Variants in CPS1 observed in about 807,000 individuals in gnomAD.
CPS1 encodes carbamoyl-phosphate synthase 1.
In CPS1, 109 loss-of-function variants were observed where a neutral mutation model predicts 174.6. The observed-to-expected ratio is 0.62, with a 90% CI of 0.53 to 0.73. The LOEUF (loss-of-function observed/expected upper bound fraction) is 0.73, where lower values mean the gene tolerates loss of function less well. CPS1 is among the 30% of genes least tolerant of loss of function. The pLI is 0.00. For synonymous variants in CPS1, 637 were observed against 632.0 expected (o/e 1.01, Z -0.12); for missense variants, 1,689 against 1,821.9 (o/e 0.93, Z 1.33).
At chr2:210,659,887 CAAGGTAGA>C (rs1354525918) in intron 31 of CPS1, among the ~76,000 whole-genome samples, 1 of 152,076 alleles carries the variant, frequency 6.6e-6, no homozygotes, top group African/African-American at 2.4e-5. Flanking sequence ...TAAAAGACTT[CAAGGTAGA>C]TTTTGTATTG....
At chr2:210,484,597 A>G (rs72932421) in intron 1 of CPS1, among the ~76,000 whole-genome samples, 31,135 of 152,114 alleles carry the variant, frequency 0.2, 3,724 homozygotes, top group Middle Eastern at 0.34. Flanking sequence ...AGATAGTATC[A>G]AGGGACTGTA....
At chr2:210,490,011 AAAAAGG>A (rs1318005372) in intron 1 of CPS1, among the ~76,000 whole-genome samples, 4 of 151,596 alleles carry the variant, frequency 2.6e-5, no homozygotes, top group East Asian at 1.9e-4. Context: ...AAAAAAAAAA[AAAAAGG>A]AAGGAAGGAA....
intron 34 of CPS1, chr2:210,674,630 A>T: frequency 2.1e-6 from 1 of 476,556 alleles, no homozygotes. Context: ...GAACTTACAA[A>T]GACCAAGTAG....
intron 6 of CPS1, among the ~76,000 whole-genome samples, chr2:210,584,013 A>G (rs1200170935): frequency 6.6e-6 from 1 of 152,118 alleles, no homozygotes; most frequent in Admixed American, 6.6e-5. Context: ...AAGGATTTCA[A>G]CTAGTTAGGT....
At chr2:210,639,115 T>G in intron 22 of CPS1, 35 bp from the exon 23 acceptor site, 1 of 1,548,322 alleles carries the variant, frequency 6.5e-7, no homozygotes, top group Non-Finnish European at 8.9e-7. Flanking sequence ...ATAATAACAT[T>G]CTTATTTGTT....
chr2:210,658,283 C>G, intron 30 of CPS1: 1 of 346,654 alleles, frequency 2.9e-6, no homozygotes, highest in Non-Finnish European at 5.6e-6. Flanking sequence ...GCTAAGGCAA[C>G]TAGACTGAAA....
intron 1 of CPS1, among the ~76,000 whole-genome samples, chr2:210,563,546 A>G (rs910720494): frequency 6.6e-6 from 1 of 152,166 alleles, no homozygotes; most frequent in African/African-American, 2.4e-5. Flanking sequence ...GCTGCAAGAA[A>G]AGTCTCATTT....
chr2:210,527,352 A>G (rs1696001914), intron 1 of CPS1, among the ~76,000 whole-genome samples: 1 of 151,966 alleles, frequency 6.6e-6, no homozygotes, highest in Admixed American at 6.6e-5. Context: ...ATTGAAAACT[A>G]AACATGAGAT....
chr2:210,568,215 T>C (rs1381607455), intron 1 of CPS1, among the ~76,000 whole-genome samples: 2 of 151,812 alleles, frequency 1.3e-5, no homozygotes, highest in East Asian at 3.9e-4. Context: ...ACACCATGGG[T>C]ACTAGGAAGC....
At chr2:210,479,958 T>C (rs1441940260) in intron 1 of CPS1, among the ~76,000 whole-genome samples, 1 of 152,216 alleles carries the variant, frequency 6.6e-6, no homozygotes, top group Non-Finnish European at 1.5e-5. Flanking sequence ...TCTGAGGGCA[T>C]TTTAGTTCCA....
intron 1 of CPS1, among the ~76,000 whole-genome samples, chr2:210,522,768 A>G (rs1176238160): frequency 6.6e-6 from 1 of 151,986 alleles, no homozygotes; most frequent in Non-Finnish European, 1.5e-5. Flanking sequence ...TGAGACCTCA[A>G]ATATAAAAAA....
At chr2:210,667,207 T>A (rs566452479) in intron 33 of CPS1, among the ~76,000 whole-genome samples, 1 of 152,336 alleles carries the variant, frequency 6.6e-6, no homozygotes, top group African/African-American at 2.4e-5. Context: ...AAGTTGCTTA[T>A]CAGCTTAAGG....
intron 11 of CPS1, 28 bp downstream of exon 11, chr2:210,592,984 G>T: frequency 6.3e-7 from 1 of 1,581,624 alleles, no homozygotes; most frequent in South Asian, 1.1e-5. Flanking sequence ...GGCCTATTAT[G>T]TATGCAAAAA....
intron 1 of CPS1, among the ~76,000 whole-genome samples, chr2:210,524,536 C>T (rs947565297): frequency 1.3e-4 from 20 of 151,854 alleles, no homozygotes; most frequent in Non-Finnish European, 2.7e-4. Flanking sequence ...ATGTATTTAT[C>T]TGTTTCCTTA....
chr2:210,657,056 A>C (rs1574649769), intron 30 of CPS1, among the ~76,000 whole-genome samples: 1 of 152,112 alleles, frequency 6.6e-6, no homozygotes, highest in Non-Finnish European at 1.5e-5. Flanking sequence ...CTAATGTTTC[A>C]GGGCCACACA....
At chr2:210,613,684 A>C (rs1410806129) in intron 20 of CPS1, among the ~76,000 whole-genome samples, 1 of 151,888 alleles carries the variant, frequency 6.6e-6, no homozygotes, top group Admixed American at 6.6e-5. Flanking sequence ...AAAGGCAAGC[A>C]TTTCCAAGTT....
chr2:210,611,815 T>C (rs1030299700), intron 19 of CPS1, among the ~76,000 whole-genome samples: 57 of 151,904 alleles, frequency 3.8e-4, no homozygotes, highest in African/African-American at 1.3e-3. Context: ...CTTGAATTTC[T>C]TATTTTAATA....
intron 19 of CPS1, among the ~76,000 whole-genome samples, chr2:210,610,907 T>A (rs1026968566): frequency 2.0e-5 from 3 of 151,896 alleles, no homozygotes; most frequent in Non-Finnish European, 2.9e-5. Flanking sequence ...TAAAAATATA[T>A]GGAGAGTTAC....
chr2:210,497,174 A>G (rs1300925215), intron 1 of CPS1, among the ~76,000 whole-genome samples: 1 of 152,190 alleles, frequency 6.6e-6, no homozygotes, highest in Non-Finnish European at 1.5e-5. Context: ...TTTTTAAAAA[A>G]TGTATTACTG....
Sources: gnomAD v4.1 joint callset for allele counts (sites outside exome capture counted in the v4.1 genomes callset) on GRCh38, gnomAD v4.1.1 for gene constraint, MANE v1.5 for transcripts, NCBI Gene and HGNC (gene_info 2026-07-23, HGNC 2026-07-21) for gene names.